TSHZ3: variants seen among roughly 807,000 people sequenced by gnomAD.
TSHZ3 encodes teashirt homolog 3.
TSHZ3 carries 10 observed loss-of-function variants against 64.5 expected under a neutral mutation model. The observed-to-expected ratio is 0.16, with a 90% CI of 0.10 to 0.26. TSHZ3 has a LOEUF of 0.26. TSHZ3 is among the 10% of genes least tolerant of loss of function. The probability of loss-of-function intolerance (pLI) is 1.00; values close to 1 mark genes in which losing one functional copy is unlikely to be tolerated. For missense variants in TSHZ3, 1,242 were observed against 1,421.7 expected (o/e 0.87, Z 2.03); for synonymous variants, 608 against 593.1 (o/e 1.03, Z -0.36).
In TSHZ3 at chr19:31,278,567, CCAGTGACCATCATGTGGG is replaced by C. The variant is rs1158512535; in HGVS notation, c.1208_1225del (p.Ala403_Thr408del). ...AGAGTTGGTGACCTTGATGAAGTGGCCAGTGACCATCATGTGGGCAGTGAGCTCCTGCAGGGTGTCATG... is the reference window on the plus strand; with the variant it reads ...AGAGTTGGTGACCTTGATGAAGTGGCCAGTGAGCTCCTGCAGGGTGTCATG... On this transcript the variant is annotated inframe_deletion, in exon 2 of 2. Coordinates refer to ENST00000240587, the MANE Select transcript of TSHZ3 (RefSeq NM_020856.4). The surrounding 1 kb of genome is among the most constrained non-coding windows in gnomAD (Gnocchi z 4.7). The C allele has an allele frequency of 6.2e-7, 1 of 1,614,024 alleles. No individual in the cohort carries two copies. The highest frequency in any genetic ancestry group is 8.5e-7 in the Non-Finnish European group (1 of 1,180,036).
intron 1 of TSHZ3, among the ~76,000 whole-genome samples, chr19:31,315,947 T>C (rs1351989142): frequency 1.3e-5 from 2 of 152,210 alleles, no homozygotes; most frequent in South Asian, 2.1e-4. Flanking sequence ...CATTTTTTTT[T>C]CCCACAGAGA....
chr19:31,226,981 T>C lies in TSHZ3; in HGVS notation n.686+1024A>G, dbSNP rs1015508583. ...CTTCTCTTTCTTTCTTTCTTTCTTT[T>C]TTTTTTTTTTTTTTTGAGATGGAAT... On this transcript the variant is annotated intron_variant and non_coding_transcript_variant, in intron 4 of 6. Transcript: ENST00000651361. Among the ~76,000 whole-genome samples the C allele has an allele frequency of 2.3e-3, 303 of 131,542 alleles. 2 individuals are homozygous for C. The highest frequency in any genetic ancestry group is 2.4e-3 in the Non-Finnish European group (153 of 63,720). The allele number at this position is 131,542 out of a possible 152,430, so 86.3% of individuals were successfully genotyped here.
intron 1 of TSHZ3, among the ~76,000 whole-genome samples, chr19:31,313,525 T>G (rs1404090197): frequency 6.6e-6 from 1 of 152,198 alleles, no homozygotes; most frequent in Non-Finnish European, 1.5e-5. Context: ...CTCCTGGCAC[T>G]GCGTACCACC....
intron 1 of TSHZ3, chr19:31,348,815 G>C (rs1248548309): frequency 8.7e-6 from 2 of 230,732 alleles, no homozygotes; most frequent in Non-Finnish European, 1.7e-5. Flanking sequence ...CTCGGAGGAC[G>C]CGGAAGATGT....
At chr19:31,236,083 T>C (rs1308966077) in intron 3 of TSHZ3, among the ~76,000 whole-genome samples, 3 of 152,152 alleles carry the variant, frequency 2.0e-5, no homozygotes, top group Non-Finnish European at 4.4e-5. Flanking sequence ...TAATGCTACA[T>C]GGGGGTGCAG....
intron 3 of TSHZ3, among the ~76,000 whole-genome samples, chr19:31,237,316 G>T (rs1166532733): frequency 6.6e-6 from 1 of 152,094 alleles, no homozygotes; most frequent in African/African-American, 2.4e-5. Context: ...GGCTGAAGTT[G>T]ATTGCAATAT....
At chr19:31,217,473 TA>T (rs373385620) in intron 4 of TSHZ3, among the ~76,000 whole-genome samples, 23 of 151,450 alleles carry the variant, frequency 1.5e-4, no homozygotes, top group African/African-American at 4.8e-4. Context: ...AATTTACCTT[TA>T]AAAAAAAATA....
intron 1 of TSHZ3, among the ~76,000 whole-genome samples, chr19:31,299,063 C>T (rs1401338814): frequency 6.6e-6 from 1 of 152,124 alleles, no homozygotes; most frequent in East Asian, 1.9e-4. Flanking sequence ...GGCGTGGTAG[C>T]GGGCGCCTGT....
At chr19:31,169,568 T>G (rs1974506898) in intron 5 of TSHZ3, among the ~76,000 whole-genome samples, 1 of 152,116 alleles carries the variant, frequency 6.6e-6, no homozygotes, top group African/African-American at 2.4e-5. Context: ...ACAATATGAA[T>G]GCACTTAATA....
intron 1 of TSHZ3, among the ~76,000 whole-genome samples, chr19:31,253,603 C>T (rs2145193276): frequency 1.3e-5 from 2 of 152,176 alleles, no homozygotes; most frequent in South Asian, 4.1e-4. Context: ...CTCAAGCAAT[C>T]CTCCCCCTTC....
At chr19:31,308,899 C>T (rs900401982) in intron 1 of TSHZ3, among the ~76,000 whole-genome samples, 1 of 152,236 alleles carries the variant, frequency 6.6e-6, no homozygotes, top group African/African-American at 2.4e-5. Context: ...GCGTTCATAA[C>T]AGAGCTGAGA....
chr19:31,250,954 A>C (rs932915079), intron 1 of TSHZ3, among the ~76,000 whole-genome samples: 1 of 152,118 alleles, frequency 6.6e-6, no homozygotes, highest in African/African-American at 2.4e-5. Flanking sequence ...GTGTCTGACC[A>C]CAGGGAGGGG....
At chr19:31,164,869 A>T (rs533201272) in intron 5 of TSHZ3, among the ~76,000 whole-genome samples, 1 of 152,208 alleles carries the variant, frequency 6.6e-6, no homozygotes, top group African/African-American at 2.4e-5. Context: ...TGATTTATGA[A>T]GTGGCCGATT....
chr19:31,170,333 G>A (rs1339901999), intron 5 of TSHZ3, among the ~76,000 whole-genome samples: 33 of 152,026 alleles, frequency 2.2e-4, no homozygotes, highest in Admixed American at 2.2e-3. Context: ...CCTTATAAGG[G>A]CACTAATCTC....
At chr19:31,280,776 C>T (rs540639975) in intron 1 of TSHZ3, among the ~76,000 whole-genome samples, 3 of 152,324 alleles carry the variant, frequency 2.0e-5, no homozygotes, top group South Asian at 2.1e-4. Flanking sequence ...GCAGGCCACG[C>T]GCCTGCAGGT....
chr19:31,292,852 T>C (rs1213220867), intron 1 of TSHZ3, among the ~76,000 whole-genome samples: 4 of 143,446 alleles, frequency 2.8e-5, no homozygotes, highest in African/African-American at 1.0e-4. Flanking sequence ...CATCTGTTCA[T>C]CTCATTCTTC....
rs201015382 is a variant in TSHZ3, at chr19:31,279,035, C to T, written c.758G>A (p.Arg253His). ...GGAGCGTTTGCGAGGCTTGGACCAG[C>T]GCTTGGGGTTGTTGTTATCGGTCTC... ...NHETDNNNPK[R>H]WSKPRKRSLL... is the part of the protein sequence containing the mutation. The change falls in exon 2 of 2, where the codon CGC becomes CAC. Residue 253 changes from arginine to histidine, a missense_variant. By Grantham distance (29) the Arg-to-His change is conservative (BLOSUM62 0). Coordinates refer to ENST00000240587, the MANE Select transcript of TSHZ3 (RefSeq NM_020856.4). This position sits in a 1 kb window ranked among gnomAD's most constrained non-coding sequence, Gnocchi z 6.4. The T allele has an allele frequency of 1.2e-5, 19 of 1,613,900 alleles. No homozygotes were observed. Among genetic ancestry groups the T allele is most frequent in the East Asian group, 2.2e-5 (1 of 44,884 alleles).
intron 1 of TSHZ3, among the ~76,000 whole-genome samples, chr19:31,322,447 G>C (rs1229231846): frequency 6.6e-6 from 1 of 151,590 alleles, no homozygotes; most frequent in Non-Finnish European, 1.5e-5. Context: ...TAGAGACTAG[G>C]TCTCACTCTG....
chr19:31,181,070 A>G (rs538653479), intron 5 of TSHZ3, among the ~76,000 whole-genome samples: 34 of 152,248 alleles, frequency 2.2e-4, no homozygotes, highest in African/African-American at 7.9e-4. Flanking sequence ...AGATGACACA[A>G]TGGCAGGGCA....
Sources: gnomAD v4.1 joint callset for allele counts (sites outside exome capture counted in the v4.1 genomes callset) on GRCh38, gnomAD v4.1.1 for gene constraint, Gnocchi (gnomAD v3.1) non-coding constraint, MANE v1.5 for transcripts, NCBI Gene and HGNC (gene_info 2026-07-23, HGNC 2026-07-21) for gene names.